Variants in ZNF202 observed in about 807,000 individuals in gnomAD.
The protein encoded by ZNF202 is zinc finger protein with KRAB and SCAN domains 10.
In ZNF202, 22 loss-of-function variants were observed where a neutral mutation model predicts 54.5. That is an observed-to-expected ratio of 0.40 (90% confidence interval 0.29 to 0.58). The LOEUF (loss-of-function observed/expected upper bound fraction) is 0.58. Among genes scored for constraint, ZNF202 ranks in the 20% least tolerant of loss-of-function variants. ZNF202 has a pLI of 0.39. For synonymous variants in ZNF202, 294 were observed against 301.4 expected (o/e 0.98, Z 0.26); for missense variants, 644 against 805.5 (o/e 0.80, Z 2.43).
chr11:123,731,377 A>G (rs975766310), intron 3 of ZNF202, among the ~76,000 whole-genome samples: 15 of 152,244 alleles, frequency 9.9e-5, no homozygotes, highest in Non-Finnish European at 1.5e-4. Context: ...ACTCAACTAT[A>G]AGCAAAGTAC....
Position 123,740,526 on chromosome 11 carries a change from C to G in ZNF202, c.-283G>C, listed in dbSNP as rs956866872. On this transcript the variant is annotated 5_prime_UTR_variant, in exon 2 of 9. Transcript: ENST00000530393. ...CTTGTGGCTTCTGAGTGTAGCTGCCCTGGGTGTCACCTGCAGAGCGTGGAT... is the reference window on the plus strand; with the variant it reads ...CTTGTGGCTTCTGAGTGTAGCTGCCGTGGGTGTCACCTGCAGAGCGTGGAT... The G allele has an allele frequency of 1.3e-5, 2 of 152,278 alleles. No individual in the cohort carries two copies. The highest frequency in any genetic ancestry group is 4.8e-5 in the African/African-American group (2 of 41,438). The allele number at this position is 152,278 out of a possible 1,614,324, so 9.4% of individuals were successfully genotyped here. A position where few individuals can be genotyped will look rare whatever the true frequency, so the allele number is the denominator to read the frequency against.
chr11:123,738,166 A>C (rs1305310344), intron 3 of ZNF202, among the ~76,000 whole-genome samples: 1 of 152,136 alleles, frequency 6.6e-6, no homozygotes, highest in Non-Finnish European at 1.5e-5. Context: ...ACATGCCACC[A>C]TGCCCAGCTA....
chr11:123,732,588 T>C (rs970592904), intron 3 of ZNF202, among the ~76,000 whole-genome samples: 1 of 152,190 alleles, frequency 6.6e-6, no homozygotes, highest in African/African-American at 2.4e-5. Context: ...CTCTCAGACA[T>C]AGTTAGAAAT....
intron 3 of ZNF202, among the ~76,000 whole-genome samples, chr11:123,735,945 T>C (rs1270742743): frequency 1.3e-5 from 2 of 152,094 alleles, no homozygotes; most frequent in African/African-American, 4.8e-5. Flanking sequence ...ATAGAGAGAA[T>C]ACAATAGAGA....
At chr11:123,729,256 C>A (rs1451435294) in intron 5 of ZNF202, 42 bp from the exon 6 acceptor site, 15 of 1,586,236 alleles carry the variant, frequency 9.5e-6, no homozygotes, top group Non-Finnish European at 1.3e-5. Flanking sequence ...ATGCAGCATG[C>A]CCCAATAATG....
chr11:123,729,450 G>A (rs151206306), intron 5 of ZNF202, among the ~76,000 whole-genome samples, 165 bp downstream of exon 5: 4 of 152,294 alleles, frequency 2.6e-5, no homozygotes, highest in East Asian at 1.9e-4. Flanking sequence ...GTTTATGGGG[G>A]ACTCTAGCTG....
chr11:123,736,618 T>C (rs1243216876), intron 3 of ZNF202, among the ~76,000 whole-genome samples: 4 of 152,202 alleles, frequency 2.6e-5, no homozygotes, highest in Admixed American at 6.5e-5. Context: ...ACATATTCTT[T>C]TATTCTTGAT....
chr11:123,736,002 G>A (rs1370690998), intron 3 of ZNF202, among the ~76,000 whole-genome samples: 1 of 152,194 alleles, frequency 6.6e-6, no homozygotes, highest in Admixed American at 6.5e-5. Flanking sequence ...GGTTCCAGAA[G>A]ACACTAAAAC....
At chr11:123,737,072 G>A (rs1264963504) in intron 3 of ZNF202, among the ~76,000 whole-genome samples, 1 of 152,022 alleles carries the variant, frequency 6.6e-6, no homozygotes, top group Non-Finnish European at 1.5e-5. Context: ...TTGCTTTGGA[G>A]GCACTTATGA....
chr11:123,727,202 G>A (rs1861190026), intron 8 of ZNF202, among the ~76,000 whole-genome samples: 2 of 152,210 alleles, frequency 1.3e-5, no homozygotes, highest in Admixed American at 6.5e-5. Context: ...ATTGAGAATC[G>A]AGGGTTTAAG....
At chr11:123,731,076 A>G (rs1861386798) in intron 3 of ZNF202, 91 bp from the exon 4 acceptor site, 1 of 569,384 alleles carries the variant, frequency 1.8e-6, no homozygotes, top group African/African-American at 1.9e-5. Context: ...CTCTACACAA[A>G]CTTCTTCAAA....
intron 6 of ZNF202, among the ~76,000 whole-genome samples, chr11:123,728,924 A>G (rs1861277540): frequency 6.6e-6 from 1 of 152,242 alleles, no homozygotes; most frequent in Non-Finnish European, 1.5e-5. Context: ...AATGGCAAAT[A>G]AACTGGTGTT....
At chr11:123,729,237 A>T (rs747299880) in intron 5 of ZNF202, 23 bp from the exon 6 acceptor site, 29 of 1,607,116 alleles carry the variant, frequency 1.8e-5, no homozygotes, top group Non-Finnish European at 2.3e-5. Flanking sequence ...GAAGGCAAAG[A>T]TCAGTAATAT....
rs1861108731 is a variant in ZNF202, at chr11:123,725,907, A to C, written c.*90T>G. 6.9e-7 allele frequency: 1 copy of C among 1,452,110 alleles called. No homozygotes were observed. Among genetic ancestry groups the C allele is most frequent in the Non-Finnish European group, 9.2e-7 (1 of 1,088,432 alleles). The allele number at this position is 1,452,110 out of a possible 1,614,324, so 90.0% of individuals were successfully genotyped here. The stretch of plus-strand genomic sequence containing the variant: ...GCAGGTCAGGGAGACTCCCTCGAAA[A>C]GGTCTTCCCAGGCTGACAAGAGGGC... On this transcript the variant is annotated 3_prime_UTR_variant, in exon 9 of 9. Transcript: ENST00000530393.
At chr11:123,727,914 T>C (rs886489407) in intron 7 of ZNF202, among the ~76,000 whole-genome samples, 1 of 152,260 alleles carries the variant, frequency 6.6e-6, no homozygotes, top group Non-Finnish European at 1.5e-5. Flanking sequence ...AAAGCTGTCA[T>C]ATTACAAGTT....
Position 123,725,088 on chromosome 11 carries a change from G to A in ZNF202, c.*909C>T, listed in dbSNP as rs1861068993. On this transcript the variant is annotated 3_prime_UTR_variant, in exon 9 of 9. Transcript: ENST00000530393. ...AAGGGGGGTGTGAAGGGGTTGGTGG[G>A]CTTGTGCATATGAGGGAATGTGAAC... 6.6e-6 allele frequency: 1 copy of A among 152,292 alleles called. No homozygotes were observed. Among genetic ancestry groups the A allele is most frequent in the Admixed American group, 6.5e-5 (1 of 15,300 alleles). The allele number at this position is 152,292 out of a possible 1,614,324, so 9.4% of individuals were successfully genotyped here. A position where few individuals can be genotyped will look rare whatever the true frequency, so the allele number is the denominator to read the frequency against.
At position 123,728,225 on chromosome 11, in the gene ZNF202, G is replaced by A; in HGVS notation, c.740C>T (p.Ser247Phe). Residue 247 changes from serine (S) to phenylalanine (F), a missense_variant, in exon 7 of 9, where the codon TCC becomes TTC. Physicochemically the swap from Ser to Phe is radical, Grantham distance 155. Transcript: ENST00000530393. The stretch of plus-strand genomic sequence containing the variant: ...GTCCAGATCACTCCACTGGTCCTGG[G>A]AAAAGCATACGGCCACATCCTTGAA... ...VTFKDVAVCF[S>F]QDQWSDLDPT... is the part of the protein sequence containing the mutation. The A allele has an allele frequency of 6.2e-7, 1 of 1,612,880 alleles. No homozygotes were observed. Among genetic ancestry groups the A allele is most frequent in the Non-Finnish European group, 8.5e-7 (1 of 1,179,288 alleles).
rs145040395 is a variant in ZNF202 at position 123,726,214 on chromosome 11, C to T, written c.1730G>A (p.Ser577Asn). The T allele has an allele frequency of 6.2e-6, 10 of 1,614,104 alleles. No homozygotes were observed. Among genetic ancestry groups the T allele is most frequent in the African/African-American group, 1.3e-5 (1 of 74,934 alleles). Residue 577 changes from serine (S) to asparagine (N), a missense_variant, in exon 9 of 9, where the codon AGC (serine) becomes AAC (asparagine). Around this residue, in one of 3 missense-constraint regions of ZNF202, gnomAD observed 536 missense variants for 635.3 expected, o/e 0.84. Transcript: ENST00000530393. The surrounding 1 kb of genome is among the most constrained non-coding windows in gnomAD (Gnocchi z 6.0). The part of the protein sequence containing the change: ...CSECGRCFTH[S>N]AAFAKHLRGH... ...TCTCAAGTGCTTGGCGAACGCTGCGCTGTGGGTGAAGCAGCGCCCGCACTC... is the reference window on the plus strand; with the variant it reads ...TCTCAAGTGCTTGGCGAACGCTGCGTTGTGGGTGAAGCAGCGCCCGCACTC...
rs1472212436 is a variant in ZNF202 at position 123,740,419 on chromosome 11, T to C, written c.-176A>G. 1 of 152,262 alleles carries C rather than the reference T, an allele frequency of 6.6e-6. No individual in the cohort carries two copies. The highest frequency in any genetic ancestry group is 1.5e-5 in the Non-Finnish European group (1 of 68,068). 9.4% of individuals were successfully genotyped at this position (152,262 alleles called of 1,614,324 possible). ...TCCTCCCAAGGCTATCCCACAACCTTTCTGAAGTAGCTTCCTGGATCAAGC... is the reference window on the plus strand; with the variant it reads ...TCCTCCCAAGGCTATCCCACAACCTCTCTGAAGTAGCTTCCTGGATCAAGC... On this transcript the variant is annotated splice_region_variant and 5_prime_UTR_variant, in exon 2 of 9. Coordinates refer to ENST00000530393, the MANE Select transcript of ZNF202 (RefSeq NM_003455.4).
Sources: allele counts gnomAD v4.1 joint callset (sites outside exome capture counted in the v4.1 genomes callset), GRCh38; gene constraint gnomAD v4.1.1; regional missense constraint gnomAD v4.1.1; non-coding constraint Gnocchi (gnomAD v3.1); transcripts MANE v1.5; gene names NCBI Gene and HGNC (gene_info 2026-07-23, HGNC 2026-07-21).